NIN: variants seen among roughly 807,000 people sequenced by gnomAD.
NIN encodes the protein glycogen synthase kinase 3 beta-interacting protein.
NIN carries 137 observed loss-of-function variants against 257.6 expected under a neutral mutation model. That is an observed-to-expected ratio of 0.53 (90% confidence interval 0.46 to 0.61). The LOEUF (loss-of-function observed/expected upper bound fraction) is 0.61. Ranked by LOEUF, NIN falls within the 20% of genes least tolerant of loss-of-function variation. The pLI, the probability that NIN is intolerant of heterozygous loss-of-function variation, is 0.00. For missense variants in NIN, 2,439 were observed against 2,501.2 expected (o/e 0.98, Z 0.53); for synonymous variants, 918 against 919.8 (o/e 1.00, Z 0.04).
chr14:50,749,154 C>G (rs545314649), intron 21 of NIN, among the ~76,000 whole-genome samples: 1 of 152,142 alleles, frequency 6.6e-6, no homozygotes, highest in African/African-American at 2.4e-5. Context: ...AGAAATAACA[C>G]TACACATCTG....
chr14:50,755,424 T>A (rs887329400), intron 18 of NIN, among the ~76,000 whole-genome samples: 4 of 151,882 alleles, frequency 2.6e-5, no homozygotes, highest in Admixed American at 6.6e-5. Context: ...CAGAATTAAA[T>A]TATTTCAGAG....
At chr14:50,734,126 G>A (rs2040858422) in intron 28 of NIN, among the ~76,000 whole-genome samples, 1 of 141,472 alleles carries the variant, frequency 7.1e-6, no homozygotes, top group African/African-American at 2.7e-5. Flanking sequence ...GTCCGGCATT[G>A]TTGCCCAGGC....
At chr14:50,726,425 G>A (rs138297138) in intron 29 of NIN, 2,748 of 205,058 alleles carry the variant, frequency 0.013, 26 homozygotes, top group Non-Finnish European at 0.021. Context: ...CTGTGATCTG[G>A]GTCTCTGCAA....
At chr14:50,786,063 T>A (rs1204095428) in intron 5 of NIN, among the ~76,000 whole-genome samples, 2 of 152,212 alleles carry the variant, frequency 1.3e-5, no homozygotes, top group Non-Finnish European at 2.9e-5. Flanking sequence ...TGAGACCTGC[T>A]ACACTGAAGG....
intron 5 of NIN, among the ~76,000 whole-genome samples, chr14:50,788,164 A>G (rs1020878769): frequency 1.3e-5 from 2 of 152,236 alleles, no homozygotes; most frequent in Admixed American, 1.3e-4. Context: ...AAAGCAATTC[A>G]TAACAAGATT....
chr14:50,812,013 A>C (rs947022208), intron 3 of NIN, among the ~76,000 whole-genome samples: 1 of 151,448 alleles, frequency 6.6e-6, no homozygotes, highest in Admixed American at 6.6e-5. Context: ...CCAGCTACTC[A>C]GGAGGCTGAG....
intron 4 of NIN, 46 bp downstream of exon 4, chr14:50,806,691 A>G: frequency 1.9e-6 from 2 of 1,041,242 alleles, no homozygotes; most frequent in Non-Finnish European, 2.9e-6. Flanking sequence ...TCTTCCCCGG[A>G]CAACTTTTAA....
chr14:50,733,896 T>C (rs2040842211), intron 28 of NIN, among the ~76,000 whole-genome samples: 1 of 152,184 alleles, frequency 6.6e-6, no homozygotes, highest in African/African-American at 2.4e-5. Flanking sequence ...GAATTTCCCC[T>C]TTAGTTGATA....
intron 17 of NIN, among the ~76,000 whole-genome samples, chr14:50,759,013 T>A (rs901571598): frequency 6.6e-6 from 1 of 152,236 alleles, no homozygotes; most frequent in African/African-American, 2.4e-5. Flanking sequence ...AAGCATGCGT[T>A]ATAGGATATC....
At chr14:50,829,449 CCTAA>C (rs752197876) in intron 2 of NIN, among the ~76,000 whole-genome samples, 34 of 152,314 alleles carry the variant, frequency 2.2e-4, no homozygotes, top group Admixed American at 5.2e-4. Context: ...TTTACGGGGA[CCTAA>C]CTGAGAAACG....
intron 6 of NIN, among the ~76,000 whole-genome samples, chr14:50,777,715 T>C (rs187835764): frequency 4.6e-5 from 7 of 152,224 alleles, no homozygotes; most frequent in Non-Finnish European, 8.8e-5. Flanking sequence ...AAGCTATAAG[T>C]TCCCAGTTAT....
chr14:50,727,734 C>T (rs1384713595), intron 29 of NIN: 1 of 1,429,184 alleles, frequency 7.0e-7, no homozygotes, highest in African/African-American at 1.4e-5. Flanking sequence ...GCACTGCTCG[C>T]TGCTCCGGTA....
At chr14:50,799,492 T>C (rs960686478) in intron 4 of NIN, among the ~76,000 whole-genome samples, 2 of 152,196 alleles carry the variant, frequency 1.3e-5, no homozygotes, top group African/African-American at 2.4e-5. Context: ...ACAGGTAAGA[T>C]TAGTGTAATG....
In NIN at chr14:50,784,243, G is replaced by A. The variant is rs80012394; in HGVS notation, c.436-5439C>T. On this transcript the variant is annotated intron_variant, in intron 5 of 30. Transcript: ENST00000530997. ...TCCAGTGCACCCAAAGGGACATGGA[G>A]TCATATGCTTGGCACTTAGGAAACC... Among the ~76,000 whole-genome samples the A allele has an allele frequency of 2.0e-5, 3 of 152,314 alleles. No individual in the cohort carries two copies. In the East Asian group the frequency reaches 5.8e-4, roughly 29 times the overall value.
At chr14:50,734,086 A>ATTTTTTTTTTTTTTTTTTTTTT (rs200910856) in intron 28 of NIN, among the ~76,000 whole-genome samples, 1 of 138,322 alleles carries the variant, frequency 7.2e-6, no homozygotes, top group African/African-American at 2.7e-5. Flanking sequence ...TTTCTTCTTT[A>ATTTTTTTTTTTTTTTTTTTTTT]TTTTTTTTTT....
intron 5 of NIN, among the ~76,000 whole-genome samples, chr14:50,788,608 G>T (rs1345401340): frequency 6.6e-6 from 1 of 152,310 alleles, no homozygotes; most frequent in Admixed American, 6.5e-5. Flanking sequence ...AATGAATTCT[G>T]GCTGACCTGT....
rs762406630 is a variant in NIN, at chr14:50,760,276, G to A, written c.1980C>T (p.Asn660=). 2.4e-5 allele frequency: 38 copies of A among 1,610,154 alleles called. No individual in the cohort carries two copies. Among genetic ancestry groups the A allele is most frequent in the South Asian group, 4.4e-5 (4 of 91,078 alleles). ...TTTGTTTTTCTAAGGTGTGCGTTTC[G>A]TTCTCATGCCTTTGCTTCATGTTCT... ...AQENMKQRHE[N]ETHTLEKQIS... is the part of the protein sequence containing the mutation. The change falls in exon 17 of 31, where the codon AAC becomes AAT. Residue 660 remains asparagine (N), a synonymous_variant. Coordinates refer to ENST00000530997, the MANE Select transcript of NIN (RefSeq NM_020921.4).
At position 50,739,256 on chromosome 14, in the gene NIN, T is replaced by A. The variant is rs2041153067; in HGVS notation, c.5628+52A>T. On this transcript the variant is annotated intron_variant, in intron 26 of 30. Coordinates refer to ENST00000530997, the MANE Select transcript of NIN (RefSeq NM_020921.4). ...ATCATATCCAACATTCATTTTCCTATCAAACTAGTCATTTTCAAACATATG... is the reference window on the plus strand; with the variant it reads ...ATCATATCCAACATTCATTTTCCTAACAAACTAGTCATTTTCAAACATATG... 4 of 1,556,936 alleles carry A rather than the reference T, an allele frequency of 2.6e-6. No individual in the cohort carries two copies. In the African/African-American group the frequency reaches 5.4e-5, roughly 21 times the overall value.
chr14:50,727,443 T>C, intron 29 of NIN: 2 of 1,167,330 alleles, frequency 1.7e-6, no homozygotes, highest in Non-Finnish European at 1.1e-6. Context: ...CTTTAAAGGG[T>C]ATAAATAAAA....
Sources: gnomAD v4.1 joint callset for allele counts (sites outside exome capture counted in the v4.1 genomes callset) on GRCh38, gnomAD v4.1.1 for gene constraint, MANE v1.5 for transcripts, NCBI Gene and HGNC (gene_info 2026-07-23, HGNC 2026-07-21) for gene names.